Variants in CACNA2D3 observed in about 807,000 individuals in gnomAD.
CACNA2D3 encodes the protein calcium voltage-gated channel auxiliary subunit alpha2delta 3, also known as voltage-dependent calcium channel subunit alpha-2/delta-3.
A neutral mutation model predicts 160.6 loss-of-function variants in CACNA2D3; 60 were observed. The observed-to-expected ratio is 0.37, with a 90% CI of 0.30 to 0.46. The LOEUF (loss-of-function observed/expected upper bound fraction) is 0.46, where lower values mean the gene tolerates loss of function less well. Ranked by LOEUF, CACNA2D3 falls within the 20% of genes least tolerant of loss-of-function variation. The pLI, the probability that CACNA2D3 is intolerant of heterozygous loss-of-function variation, is 1.00. For synonymous variants in CACNA2D3, 558 were observed against 492.9 expected (o/e 1.13, Z -1.75); for missense variants, 1,205 against 1,365.0 (o/e 0.88, Z 1.85).
chr3:54,908,885 A>G (rs1297900518), intron 27 of CACNA2D3, among the ~76,000 whole-genome samples: 1 of 152,224 alleles, frequency 6.6e-6, no homozygotes, highest in Non-Finnish European at 1.5e-5. Context: ...TGCAAAGCCA[A>G]AAATATCCAC....
intron 2 of CACNA2D3, among the ~76,000 whole-genome samples, chr3:54,162,391 C>G (rs575163355): frequency 6.6e-6 from 1 of 152,168 alleles, no homozygotes; most frequent in African/African-American, 2.4e-5. Flanking sequence ...CATGCATGTA[C>G]TGGAACCTCA....
intron 2 of CACNA2D3, among the ~76,000 whole-genome samples, chr3:54,315,038 A>C (rs1703830095): frequency 6.6e-6 from 1 of 152,250 alleles, no homozygotes; most frequent in African/African-American, 2.4e-5. Flanking sequence ...AGCTATAGAA[A>C]ATAAAAAGGC....
In CACNA2D3 at chr3:54,806,806, C is replaced by T. The variant is rs566899077; in HGVS notation, c.1381-10047C>T. On this transcript the variant is annotated intron_variant, in intron 13 of 37. Transcript: ENST00000474759. The stretch of plus-strand genomic sequence containing the variant: ...TCACACTACCTGACTTCAAACTATA[C>T]TACAAGGCTACAGTAACCAAAACAG... Among the ~76,000 whole-genome samples the T allele has an allele frequency of 2.3e-3, 357 of 152,188 alleles. 1 individual carries two copies. Among genetic ancestry groups the T allele is most frequent in the African/African-American group, 8.2e-3 (341 of 41,506 alleles).
chr3:54,300,216 T>C (rs2107488764), intron 2 of CACNA2D3, among the ~76,000 whole-genome samples: 1 of 152,362 alleles, frequency 6.6e-6, no homozygotes, highest in South Asian at 2.1e-4. Context: ...ATTTTTGTTG[T>C]CTACAGAGGA....
At position 54,612,041 on chromosome 3, in the gene CACNA2D3, C is replaced by T. The variant is rs918275554; in HGVS notation, c.964-15746C>T. On this transcript the variant is annotated intron_variant, in intron 9 of 37. Transcript: ENST00000474759. ...ATGGTCTGTCCCAGGAGTTGGGATT[C>T]ACACCAGTTCTGTTCATTCTACTAG... 3.9e-5 allele frequency among the ~76,000 whole-genome samples: 6 copies of T among 152,286 alleles called. No individual in the cohort carries two copies. In the South Asian group the frequency reaches 1.2e-3, roughly 32 times the overall value.
chr3:54,457,014 T>C (rs538773965), intron 4 of CACNA2D3, among the ~76,000 whole-genome samples: 37 of 152,080 alleles, frequency 2.4e-4, no homozygotes, highest in African/African-American at 7.9e-4. Context: ...GGTTTATTAA[T>C]TTTGTTTATC....
chr3:54,364,313 T>A (rs975654535), intron 3 of CACNA2D3, among the ~76,000 whole-genome samples: 3 of 152,228 alleles, frequency 2.0e-5, no homozygotes, highest in African/African-American at 7.2e-5. Flanking sequence ...GACATACGAT[T>A]TTATCTTTCT....
At chr3:54,919,343 A>C (rs769769451) in intron 27 of CACNA2D3, among the ~76,000 whole-genome samples, 5 of 152,230 alleles carry the variant, frequency 3.3e-5, no homozygotes, top group Non-Finnish European at 7.3e-5. Flanking sequence ...TTGTGATGTT[A>C]TGTGTTTATT....
intron 9 of CACNA2D3, among the ~76,000 whole-genome samples, chr3:54,606,591 T>A (rs1229147074): frequency 6.6e-6 from 1 of 151,966 alleles, no homozygotes; most frequent in Non-Finnish European, 1.5e-5. Context: ...AGGATTGCCA[T>A]TTGCCGAGAT....
At chr3:54,545,979 G>T (rs945257659) in intron 5 of CACNA2D3, among the ~76,000 whole-genome samples, 1 of 152,200 alleles carries the variant, frequency 6.6e-6, no homozygotes, top group African/African-American at 2.4e-5. Flanking sequence ...GTGCTGACTA[G>T]TTGAGGGATG....
chr3:54,626,375 C>A, intron 9 of CACNA2D3: 1 of 1,564,412 alleles, frequency 6.4e-7, no homozygotes, highest in Non-Finnish European at 8.7e-7. Flanking sequence ...AAGCAGCACT[C>A]CCTGCTGAAG....
chr3:54,808,881 C>T (rs1703205585), intron 13 of CACNA2D3, among the ~76,000 whole-genome samples: 1 of 152,098 alleles, frequency 6.6e-6, no homozygotes. Flanking sequence ...ATTACTGTAA[C>T]CTCTCATACG....
intron 17 of CACNA2D3, among the ~76,000 whole-genome samples, chr3:54,870,354 A>T (rs750311942): frequency 2.0e-5 from 3 of 152,288 alleles, no homozygotes; most frequent in South Asian, 2.1e-4. Context: ...AAACACTTAG[A>T]CTGACCCTGC....
chr3:54,148,469 G>A (rs1479040607), intron 2 of CACNA2D3, among the ~76,000 whole-genome samples: 2 of 152,220 alleles, frequency 1.3e-5, no homozygotes, highest in Non-Finnish European at 2.9e-5. Context: ...GTTCCCCACT[G>A]GAAGGCAGCT....
chr3:54,675,005 C>A (rs1167410723), intron 11 of CACNA2D3, among the ~76,000 whole-genome samples: 2 of 152,096 alleles, frequency 1.3e-5, no homozygotes, highest in African/African-American at 4.8e-5. Flanking sequence ...CTGAAGTATT[C>A]ATGAGTGATT....
At chr3:54,371,815 G>A (rs1698930617) in intron 3 of CACNA2D3, among the ~76,000 whole-genome samples, 1 of 152,168 alleles carries the variant, frequency 6.6e-6, no homozygotes, top group African/African-American at 2.4e-5. Flanking sequence ...CTTCAATTTT[G>A]AAGTCAAGAA....
At chr3:54,972,116 C>G (rs934937061) in intron 29 of CACNA2D3, among the ~76,000 whole-genome samples, 3 of 152,216 alleles carry the variant, frequency 2.0e-5, no homozygotes, top group South Asian at 2.1e-4. Flanking sequence ...ACAGTTTCCC[C>G]TGGGCATAGT....
intron 14 of CACNA2D3, among the ~76,000 whole-genome samples, chr3:54,828,812 G>C (rs1044219885): frequency 2.6e-5 from 4 of 152,176 alleles, no homozygotes; most frequent in Admixed American, 6.5e-5. Context: ...GGAATCTCCA[G>C]ATCTCAAATG....
rs1699707226 is a variant in CACNA2D3, at chr3:54,878,121, T to C, written c.1711-897T>C. Reference sequence around the variant, plus strand: ...AGACAGCCTCGAATCAAATTTAGGTTGCTTGCTAGTGTTGCAGTTTTCTAT... The same window carrying C: ...AGACAGCCTCGAATCAAATTTAGGTCGCTTGCTAGTGTTGCAGTTTTCTAT... On this transcript the variant is annotated intron_variant, in intron 18 of 37. Transcript: ENST00000474759. 3.3e-5 allele frequency among the ~76,000 whole-genome samples: 5 copies of C among 152,284 alleles called. No homozygotes were observed. The South Asian group carries it at 1.0e-3, about 32-fold the overall frequency.
Sources: allele counts gnomAD v4.1 joint callset (sites outside exome capture counted in the v4.1 genomes callset), GRCh38; gene constraint gnomAD v4.1.1; transcripts MANE v1.5; gene names NCBI Gene and HGNC (gene_info 2026-07-23, HGNC 2026-07-21).